The following BCL7B variants were observed in gnomAD, a reference collection of about 807,000 sequenced individuals.
BCL7B encodes BAF chromatin remodeling complex subunit BCL7B, also known as B-cell CLL/lymphoma 7 protein family member B.
In BCL7B, 11 loss-of-function variants were observed where a neutral mutation model predicts 26.5. The observed-to-expected ratio is 0.42, with a 90% CI of 0.26 to 0.69. The LOEUF is 0.69. Ranked by LOEUF, BCL7B falls within the 30% of genes least tolerant of loss-of-function variation. BCL7B has a pLI of 0.28. For missense variants in BCL7B, 215 were observed against 264.4 expected (o/e 0.81, Z 1.30); for synonymous variants, 111 against 107.9 (o/e 1.03, Z -0.18).
chr7:73,548,684 A>G (rs1218254500), intron 2 of BCL7B, among the ~76,000 whole-genome samples: 2 of 151,658 alleles, frequency 1.3e-5, no homozygotes, highest in Non-Finnish European at 3.0e-5. Context: ...TAATCCCAAC[A>G]CTTTGGCAAG....
At chr7:73,544,388 G>C (rs1791880588) in intron 2 of BCL7B, among the ~76,000 whole-genome samples, 1 of 151,656 alleles carries the variant, frequency 6.6e-6, no homozygotes, top group Non-Finnish European at 1.5e-5. Context: ...ACTCCAGCCT[G>C]GGCTACAGTG....
intron 1 of BCL7B, among the ~76,000 whole-genome samples, chr7:73,554,450 A>T (rs572943865): frequency 6.6e-6 from 1 of 152,194 alleles, no homozygotes; most frequent in African/African-American, 2.4e-5. Flanking sequence ...GAAGTCACGA[A>T]AAAGCAAAAA....
intron 1 of BCL7B, chr7:73,553,477 T>C (rs1352094350): frequency 6.6e-6 from 1 of 151,938 alleles, no homozygotes; most frequent in Admixed American, 6.6e-5. Context: ...ATCGAGACCA[T>C]CCTAGCTAAT....
At chr7:73,542,109 C>T (rs1303349686) in intron 3 of BCL7B, among the ~76,000 whole-genome samples, 1 of 152,254 alleles carries the variant, frequency 6.6e-6, no homozygotes, top group South Asian at 2.1e-4. Flanking sequence ...ATTTCGCACA[C>T]GTGCTTCCTC....
chr7:73,541,891 C>T (rs183921860), intron 3 of BCL7B, among the ~76,000 whole-genome samples: 1 of 152,306 alleles, frequency 6.6e-6, no homozygotes, highest in East Asian at 1.9e-4. Flanking sequence ...CAGACTGGAC[C>T]CTAACCCAAG....
At chr7:73,544,191 C>A (rs1397291268) in intron 2 of BCL7B, among the ~76,000 whole-genome samples, 15 of 152,016 alleles carry the variant, frequency 9.9e-5, no homozygotes, top group Admixed American at 9.2e-4. Flanking sequence ...GAGGCCAAGA[C>A]GCATGGATCA....
At chr7:73,552,477 A>C (rs1792210514) in intron 1 of BCL7B, among the ~76,000 whole-genome samples, 1 of 151,404 alleles carries the variant, frequency 6.6e-6, no homozygotes, top group Non-Finnish European at 1.5e-5. Flanking sequence ...GCGAGACCTC[A>C]TCTCTAAAAA....
chr7:73,546,387 G>A (rs1193108235), intron 2 of BCL7B, among the ~76,000 whole-genome samples: 1 of 152,154 alleles, frequency 6.6e-6, no homozygotes, highest in African/African-American at 2.4e-5. Context: ...GTTTTAGCCA[G>A]GGGCAGTGAC....
intron 1 of BCL7B, chr7:73,557,101 C>A (rs537431797): frequency 4.5e-4 from 446 of 992,512 alleles, no homozygotes; most frequent in Non-Finnish European, 5.2e-4. Context: ...CACTCCAGGG[C>A]TACTCGCTAT....
intron 2 of BCL7B, among the ~76,000 whole-genome samples, chr7:73,550,638 T>G (rs186335930): frequency 0.18 from 5,898 of 33,058 alleles, 170 homozygotes; most frequent in Non-Finnish European, 0.19. Flanking sequence ...TACATATTTT[T>G]TTTTTGTTTT....
intron 2 of BCL7B, among the ~76,000 whole-genome samples, chr7:73,546,188 A>G (rs1382766041): frequency 6.6e-6 from 1 of 151,968 alleles, no homozygotes; most frequent in East Asian, 1.9e-4. Context: ...TCCTCCTCGT[A>G]GTTACACATT....
At chr7:73,543,295 G>T (rs547075021) in intron 3 of BCL7B, among the ~76,000 whole-genome samples, 4 of 151,726 alleles carry the variant, frequency 2.6e-5, no homozygotes, top group Non-Finnish European at 4.4e-5. Flanking sequence ...TCCTGTCTCA[G>T]ACCCCCGAGT....
At chr7:73,545,461 A>G (rs1038069363) in intron 2 of BCL7B, among the ~76,000 whole-genome samples, 10 of 152,076 alleles carry the variant, frequency 6.6e-5, no homozygotes, top group African/African-American at 1.9e-4. Flanking sequence ...GATGGTCTCA[A>G]TCCGCCCGCC....
At position 73,557,504 on chromosome 7, in the gene BCL7B, G is replaced by A; in HGVS notation, c.75C>T (p.Ile25=). ...CCCCTCACCATTTCCGCACTTTCTC[G>A]ATGGCCGCCATCACCTTCTTGATGT... The part of the protein sequence containing the change: ...KDDIKKVMAA[I]EKVRKWEKKW... The change falls in exon 1 of 6, where the codon ATC becomes ATT. Residue 25 remains isoleucine, a synonymous_variant. Transcript: ENST00000223368. 6.9e-7 allele frequency: 1 copy of A among 1,445,326 alleles called. No homozygotes were observed. The highest frequency in any genetic ancestry group is 1.4e-5 in the South Asian group (1 of 71,050). 89.5% of individuals were successfully genotyped at this position (1,445,326 alleles called of 1,614,324 possible).
Position 73,540,027 on chromosome 7 carries a change from C to T in BCL7B, c.291G>A (p.Val97=), listed in dbSNP as rs781870747. The change falls in exon 4 of 6, where the codon GTG becomes GTA. Residue 97 remains valine (V), a synonymous_variant. Coordinates refer to ENST00000223368, the MANE Select transcript of BCL7B (RefSeq NM_001707.4). ...FQDENSNQSS[V]SDVYQLKVDS... ...CCACCTTAAGCTGATAGACGTCAGACACGGAACTCTGGTTGCTGTTTTCGT... is the reference window on the plus strand; with the variant it reads ...CCACCTTAAGCTGATAGACGTCAGATACGGAACTCTGGTTGCTGTTTTCGT... 1.2e-6 allele frequency: 2 copies of T among 1,613,996 alleles called. No homozygotes were observed. Among genetic ancestry groups the T allele is most frequent in the Admixed American group, 3.3e-5 (2 of 59,946 alleles).
At chr7:73,553,192 C>T (rs1554584354) in intron 1 of BCL7B, among the ~76,000 whole-genome samples, 1 of 151,910 alleles carries the variant, frequency 6.6e-6, no homozygotes. Flanking sequence ...GCAGTCTGCC[C>T]ACCTTGGCCT....
intron 3 of BCL7B, among the ~76,000 whole-genome samples, chr7:73,542,266 A>G (rs968029711): frequency 6.6e-6 from 1 of 152,210 alleles, no homozygotes; most frequent in South Asian, 2.1e-4. Flanking sequence ...ATGGAGCCTC[A>G]TATGTCTCCC....
At chr7:73,539,637 G>A (rs1791679208) in intron 4 of BCL7B, 1 of 464,100 alleles carries the variant, frequency 2.2e-6, no homozygotes, top group Non-Finnish European at 3.9e-6. Context: ...ATTTTTGAGA[G>A]AATTATAGCA....
intron 3 of BCL7B, chr7:73,543,014 T>G (rs1258654425): frequency 6.4e-6 from 2 of 312,024 alleles, no homozygotes; most frequent in Admixed American, 7.7e-5. Flanking sequence ...TATGTAACTT[T>G]AGACACGTAA....
Sources: allele counts gnomAD v4.1 joint callset (sites outside exome capture counted in the v4.1 genomes callset), GRCh38; gene constraint gnomAD v4.1.1; transcripts MANE v1.5; gene names NCBI Gene and HGNC (gene_info 2026-07-23, HGNC 2026-07-21).